DBNL: variants seen among roughly 807,000 people sequenced by gnomAD.
DBNL encodes the protein drebrin-like protein.
DBNL carries 35 observed loss-of-function variants against 62.2 expected under a neutral mutation model. The ratio of observed to expected loss-of-function variants is 0.56; its 90% confidence interval spans 0.43 to 0.75. The LOEUF is 0.75. DBNL is among the 30% of genes least tolerant of loss of function. The pLI is 0.00. For synonymous variants in DBNL, 197 were observed against 218.0 expected, an observed-to-expected ratio of 0.90 and a Z score of 0.85; for missense variants, 495 against 578.4, an observed-to-expected ratio of 0.86 and a Z score of 1.48.
At chr7:44,050,078 G>A in intron 1 of DBNL, 147 bp from the exon 2 acceptor site, 7 of 818,488 alleles carry the variant, frequency 8.6e-6, no homozygotes, top group Non-Finnish European at 1.4e-5. Context: ...TAGTGGGTCA[G>A]AGCAAAGTGA....
In DBNL at chr7:44,060,599, G is replaced by A. The variant is rs563501877; in HGVS notation, c.1154-178G>A. The stretch of plus-strand genomic sequence containing the variant: ...CCCTGGGGGTGTGGTCACTGGAGCC[G>A]CATTGGGACAGGGTGCAGTGTTGGC... On this transcript the variant is annotated intron_variant, in intron 12 of 12. Coordinates refer to ENST00000448521, the MANE Select transcript of DBNL (RefSeq NM_001014436.3). This position sits in a 1 kb window ranked among gnomAD's most constrained non-coding sequence, Gnocchi z 6.3. Among the ~76,000 whole-genome samples, 9 of 152,270 alleles carry A rather than the reference G, an allele frequency of 5.9e-5. No individual in the cohort carries two copies. Among genetic ancestry groups the A allele is most frequent in the African/African-American group, 1.4e-4 (6 of 41,556 alleles).
At position 44,066,136 on chromosome 7, in the gene DBNL, A is replaced by C. The variant is rs2096159530; in HGVS notation, c.*5220A>C. Reference sequence around the variant, plus strand: ...TGGGGCTGAGCCGGGTTTCCAGGACAAAGGGGGAAAGGGCCCCTGTCTTTC... The same window carrying C: ...TGGGGCTGAGCCGGGTTTCCAGGACCAAGGGGGAAAGGGCCCCTGTCTTTC... On this transcript the variant is annotated 3_prime_UTR_variant, in exon 13 of 13. Coordinates refer to ENST00000448521, the MANE Select transcript of DBNL (RefSeq NM_001014436.3). 1 of 172,242 alleles carries C rather than the reference A, an allele frequency of 5.8e-6. No individual in the cohort carries two copies. The highest frequency in any genetic ancestry group is 2.4e-5 in the African/African-American group (1 of 41,922). 10.7% of individuals were successfully genotyped at this position (172,242 alleles called of 1,614,324 possible). A position where few individuals can be genotyped will look rare whatever the true frequency, so the allele number is the denominator to read the frequency against.
Position 44,065,150 on chromosome 7 carries a change from T to C in DBNL, c.*4234T>C. ...GGAGTTGTAGTAGGGGTGCTTCTCGTCCATCGGGGGCGGCGGGATGTCGAA... is the reference window on the plus strand; with the variant it reads ...GGAGTTGTAGTAGGGGTGCTTCTCGCCCATCGGGGGCGGCGGGATGTCGAA... On this transcript the variant is annotated 3_prime_UTR_variant, in exon 13 of 13. Transcript: ENST00000448521. The C allele has an allele frequency of 6.2e-7, 1 of 1,614,048 alleles. No homozygotes were observed. Among genetic ancestry groups the C allele is most frequent in the South Asian group, 1.1e-5 (1 of 91,090 alleles).
chr7:44,050,310 C>A, intron 2 of DBNL, 30 bp downstream of exon 2: 1 of 1,612,494 alleles, frequency 6.2e-7, no homozygotes, highest in Non-Finnish European at 8.5e-7. Context: ...GACTCAGGGA[C>A]ACCAGGAGGT....
At position 44,062,342 on chromosome 7, in the gene DBNL, G is replaced by C. The variant is rs2096150795; in HGVS notation, c.*1426G>C. Reference sequence around the variant, plus strand: ...AGGCAGGGCTCAAAGTGCCACCCGGGGGTTGCAAGGACAGCAGAGGACCAC... The same window carrying C: ...AGGCAGGGCTCAAAGTGCCACCCGGCGGTTGCAAGGACAGCAGAGGACCAC... On this transcript the variant is annotated 3_prime_UTR_variant, in exon 13 of 13. Transcript: ENST00000448521. The C allele has an allele frequency of 4.3e-6, 1 of 230,928 alleles. No homozygotes were observed. Among genetic ancestry groups the C allele is most frequent in the Non-Finnish European group, 8.8e-6 (1 of 113,748 alleles). The allele number at this position is 230,928 out of a possible 1,614,324, so 14.3% of individuals were successfully genotyped here. A position where few individuals can be genotyped will look rare whatever the true frequency, so the allele number is the denominator to read the frequency against.
rs2096163393 is a variant in DBNL at position 44,068,237 on chromosome 7, AG to A, written c.*7323del. The A allele has an allele frequency of 1.3e-5, 1 of 77,440 alleles. No individual in the cohort carries two copies. The highest frequency in any genetic ancestry group is 3.4e-4 in the South Asian group (1 of 2,906). The allele number at this position is 77,440 out of a possible 1,614,324, so 4.8% of individuals were successfully genotyped here. On this transcript the variant is annotated 3_prime_UTR_variant, in exon 13 of 13. Coordinates refer to ENST00000448521, the MANE Select transcript of DBNL (RefSeq NM_001014436.3). ...AGTTTCAGGGAGTATGCAGCAGGGT[AG>A]GTAGGGAAAGAGCCCCAGATTTGTG...
In DBNL at chr7:44,059,739, G is replaced by C. The variant is rs79281852; in HGVS notation, c.1047+81G>C. 1.0e-3 allele frequency: 1,388 copies of C among 1,346,032 alleles called. 21 individuals are homozygous for C. In the East Asian group the frequency reaches 0.029, roughly 28 times the overall value. 83.4% of individuals were successfully genotyped at this position (1,346,032 alleles called of 1,614,324 possible). On this transcript the variant is annotated intron_variant, in intron 11 of 12. Coordinates refer to ENST00000448521, the MANE Select transcript of DBNL (RefSeq NM_001014436.3). This position sits in a 1 kb window ranked among gnomAD's most constrained non-coding sequence, Gnocchi z 4.1. ...TATCACGGGCCGCCTGAGTTTTCTGGGGGCATGCAACAGGTTTTAAAGCAC... is the reference window on the plus strand; with the variant it reads ...TATCACGGGCCGCCTGAGTTTTCTGCGGGCATGCAACAGGTTTTAAAGCAC...
Position 44,065,597 on chromosome 7 carries a change from A to G in DBNL, c.*4681A>G. On this transcript the variant is annotated 3_prime_UTR_variant, in exon 13 of 13. Transcript: ENST00000448521. ...GCTTCCCAACACTCCCAGCTTTATA[A>G]TAGTGTCTTCCCAGCCCCCACCCAC... 3 of 1,485,584 alleles carry G rather than the reference A, an allele frequency of 2.0e-6. No individual in the cohort carries two copies. Among genetic ancestry groups the G allele is most frequent in the Non-Finnish European group, 1.9e-6 (2 of 1,071,134 alleles). 92.0% of individuals were successfully genotyped at this position (1,485,584 alleles called of 1,614,324 possible).
In DBNL at chr7:44,063,252, A is replaced by C. The variant is rs1586000107; in HGVS notation, c.*2336A>C. ...CTGAAGTTGAGGGTCAGGAAGGGAC[A>C]CTCACCCTTTGTTTTTTTTTTTTCT... On this transcript the variant is annotated 3_prime_UTR_variant, in exon 13 of 13. Transcript: ENST00000448521. 6 of 396,490 alleles carry C rather than the reference A, an allele frequency of 1.5e-5. No homozygotes were observed. Among genetic ancestry groups the C allele is most frequent in the East Asian group, 5.3e-5 (1 of 18,960 alleles). The allele number at this position is 396,490 out of a possible 1,614,324, so 24.6% of individuals were successfully genotyped here.
At chr7:44,057,242 C>T (rs1175708844) in intron 5 of DBNL, among the ~76,000 whole-genome samples, 1 of 152,198 alleles carries the variant, frequency 6.6e-6, no homozygotes, top group Non-Finnish European at 1.5e-5. Flanking sequence ...AGGTAGCCAC[C>T]GTGGAGGAAC....
In DBNL at chr7:44,064,732, C is replaced by T. The variant is rs1178412623; in HGVS notation, c.*3816C>T. Reference sequence around the variant, plus strand: ...CAGTGAATGATGTGGAGCCCCACGCCTAGAAAGCCTGGTCCATGGGCGAGA... The same window carrying T: ...CAGTGAATGATGTGGAGCCCCACGCTTAGAAAGCCTGGTCCATGGGCGAGA... On this transcript the variant is annotated 3_prime_UTR_variant, in exon 13 of 13. Transcript: ENST00000448521. The T allele has an allele frequency of 3.7e-6, 4 of 1,072,286 alleles. No individual in the cohort carries two copies. The highest frequency in any genetic ancestry group is 2.9e-4 in the Middle Eastern group (1 of 3,496). The allele number at this position is 1,072,286 out of a possible 1,614,324, so 66.4% of individuals were successfully genotyped here. A position where few individuals can be genotyped will look rare whatever the true frequency, so the allele number is the denominator to read the frequency against.
In DBNL at chr7:44,058,943, G is replaced by A. The variant is rs1013771367; in HGVS notation, c.795G>A (p.Glu265=). The A allele has an allele frequency of 6.2e-7, 1 of 1,613,920 alleles. No homozygotes were observed. Among genetic ancestry groups the A allele is most frequent in the South Asian group, 1.1e-5 (1 of 91,068 alleles). Residue 265 remains glutamate (E), a synonymous_variant, in exon 9 of 13, where the codon GAG becomes GAA. Transcript: ENST00000448521. ...VHPREIFKQK[E]RAMSTTSISS... ...CGAGGGAGATTTTCAAGCAGAAGGA[G>A]AGGGCCATGTCCACCACCTCCATCT...
chr7:44,064,792 T>TGGCCCCCCCCCCA lies in DBNL; in HGVS notation c.*3877_*3878insGCCCCCCCCCCAG. 3.1e-6 allele frequency: 4 copies of TGGCCCCCCCCCCA among 1,279,334 alleles called. No homozygotes were observed. Among genetic ancestry groups the TGGCCCCCCCCCCA allele is most frequent in the East Asian group, 2.4e-5 (1 of 41,202 alleles). The allele number at this position is 1,279,334 out of a possible 1,614,324, so 79.2% of individuals were successfully genotyped here. On this transcript the variant is annotated 3_prime_UTR_variant, in exon 13 of 13. Coordinates refer to ENST00000448521, the MANE Select transcript of DBNL (RefSeq NM_001014436.3). ...GAGATGAGAAGCCAGCTGGGGCTGC[T>TGGCCCCCCCCCCA]GCCCACCCACCCTGCCCAGGCTCCT... is the stretch of plus-strand genomic sequence containing the variant.
Position 44,065,449 on chromosome 7 carries a change from A to C in DBNL, c.*4533A>C. The stretch of plus-strand genomic sequence containing the variant: ...CGGTCCCCTTTTCACTCAGCTCTGC[A>C]TCGAACCAGCCACAGAAACGGTTCT... On this transcript the variant is annotated 3_prime_UTR_variant, in exon 13 of 13. Transcript: ENST00000448521. 1 of 1,614,044 alleles carries C rather than the reference A, an allele frequency of 6.2e-7. No homozygotes were observed. The highest frequency in any genetic ancestry group is 8.5e-7 in the Non-Finnish European group (1 of 1,180,036).
At chr7:44,049,531 A>G (rs1305504914) in intron 1 of DBNL, among the ~76,000 whole-genome samples, 1 of 152,226 alleles carries the variant, frequency 6.6e-6, no homozygotes, top group Non-Finnish European at 1.5e-5. Flanking sequence ...ATGGAGAGAT[A>G]AGGCTCTGCT....
At chr7:44,047,828 G>A (rs1325810591) in intron 1 of DBNL, among the ~76,000 whole-genome samples, 1 of 152,014 alleles carries the variant, frequency 6.6e-6, no homozygotes, top group East Asian at 1.9e-4. Flanking sequence ...TCTTAAAGGT[G>A]GCCTGGGGTA....
intron 5 of DBNL, among the ~76,000 whole-genome samples, chr7:44,057,122 C>T (rs2096137841): frequency 6.6e-6 from 1 of 152,254 alleles, no homozygotes; most frequent in African/African-American, 2.4e-5. Flanking sequence ...TGGAGCCTTC[C>T]TCTGGAGCCC....
intron 3 of DBNL, 75 bp downstream of exon 3, chr7:44,052,017 A>G: frequency 1.5e-6 from 2 of 1,356,134 alleles, no homozygotes; most frequent in Non-Finnish European, 2.1e-6. Context: ...ACTTGACTTC[A>G]GGAACAAAGT....
intron 2 of DBNL, 113 bp downstream of exon 2, chr7:44,050,393 C>T: frequency 2.8e-6 from 3 of 1,078,044 alleles, no homozygotes; most frequent in South Asian, 2.6e-5. Flanking sequence ...TTCCAGTGCT[C>T]ACTGGCCACT....
Sources: gnomAD v4.1 joint callset for allele counts (sites outside exome capture counted in the v4.1 genomes callset) on GRCh38, gnomAD v4.1.1 for gene constraint, Gnocchi (gnomAD v3.1) non-coding constraint, MANE v1.5 for transcripts, NCBI Gene and HGNC (gene_info 2026-07-23, HGNC 2026-07-21) for gene names.